Variants in DICER1 observed in about 807,000 individuals in gnomAD.
The protein encoded by DICER1 is dicer 1, ribonuclease III, also known as endoribonuclease Dicer.
In DICER1, 43 loss-of-function variants were observed where a neutral mutation model predicts 194.1. The ratio of observed to expected loss-of-function variants is 0.22; its 90% CI spans 0.17 to 0.29. The LOEUF (loss-of-function observed/expected upper bound fraction) is 0.29. Among genes scored for constraint, DICER1 ranks in the 10% least tolerant of loss-of-function variants. The pLI is 1.00. For synonymous variants in DICER1, 832 were observed against 820.5 expected (o/e 1.01, Z -0.24); for missense variants, 1,608 against 2,317.0 (o/e 0.69, Z 6.28).
intron 17 of DICER1, among the ~76,000 whole-genome samples, chr14:95,106,495 C>T (rs977227912): frequency 1.3e-5 from 2 of 152,070 alleles, no homozygotes; most frequent in African/African-American, 2.4e-5. Flanking sequence ...GGCACCTTTA[C>T]ATATCTATTT....
At chr14:95,150,214 T>G (rs1306643884) in intron 1 of DICER1, among the ~76,000 whole-genome samples, 2 of 152,238 alleles carry the variant, frequency 1.3e-5, no homozygotes, top group Non-Finnish European at 2.9e-5. Context: ...CCGGGCACGG[T>G]GGCTCATGCC....
intron 1 of DICER1, among the ~76,000 whole-genome samples, chr14:95,156,861 G>A (rs867874765): frequency 1.3e-5 from 2 of 152,128 alleles, no homozygotes; most frequent in Non-Finnish European, 2.9e-5. Context: ...CGCTGCTCCC[G>A]CGCCACCTTA....
chr14:95,122,936 G>A lies in DICER1; in HGVS notation c.1376+1260C>T, dbSNP rs150630663. ...TAAGCGCGTGTGCGCGTGCGTGTACGCGCGCGCGCGCGCACACACACACAA... is the reference window on the plus strand; with the variant it reads ...TAAGCGCGTGTGCGCGTGCGTGTACACGCGCGCGCGCGCACACACACACAA... On this transcript the variant is annotated intron_variant, in intron 8 of 26. Transcript: ENST00000343455. 6.9e-3 allele frequency among the ~76,000 whole-genome samples: 894 copies of A among 129,888 alleles called. 7 individuals carry two copies. Among genetic ancestry groups the A allele is most frequent in the African/African-American group, 0.028 (828 of 29,992 alleles). 85.2% of individuals were successfully genotyped at this position (129,888 alleles called of 152,430 possible).
chr14:95,098,272 T>C (rs1323376105), intron 22 of DICER1, among the ~76,000 whole-genome samples: 1 of 152,234 alleles, frequency 6.6e-6, no homozygotes, highest in Non-Finnish European at 1.5e-5. Context: ...TCCTTTTCTA[T>C]ATCATTCAAG....
At chr14:95,145,689 T>A (rs890667583) in intron 1 of DICER1, among the ~76,000 whole-genome samples, 2 of 151,864 alleles carry the variant, frequency 1.3e-5, no homozygotes, top group African/African-American at 4.8e-5. Flanking sequence ...AAAAAAACAA[T>A]AATTTCAAGA....
In DICER1 at chr14:95,093,903, T is replaced by C. The variant is rs2139811134; in HGVS notation, c.5349A>G (p.Gln1783=). ...CAGCACTAACCTCAGAATCCATTCC[T>C]TGCATTTCATTCTTCTCAAGCTGAA... is the stretch of plus-strand genomic sequence containing the variant. ...VQFQLEKNEM[Q]GMDSELRRSE... is the part of the protein sequence containing the mutation. Residue 1783 remains glutamine, a synonymous_variant, in exon 24 of 27, where the codon CAA becomes CAG. Coordinates refer to ENST00000343455, the MANE Select transcript of DICER1 (RefSeq NM_177438.3). The C allele has an allele frequency of 1.2e-6, 2 of 1,614,202 alleles. No individual in the cohort carries two copies. Among genetic ancestry groups the C allele is most frequent in the Non-Finnish European group, 1.7e-6 (2 of 1,180,034 alleles).
intron 8 of DICER1, among the ~76,000 whole-genome samples, chr14:95,119,232 C>T (rs1282942371): frequency 2.0e-5 from 3 of 152,032 alleles, no homozygotes; most frequent in Non-Finnish European, 4.4e-5. Flanking sequence ...TATAAATTAT[C>T]CATCTGGCAG....
Position 95,105,936 on chromosome 14 carries a change from G to A in DICER1, c.2987+105C>T. 1 of 1,436,438 alleles carries A rather than the reference G, an allele frequency of 7.0e-7. No individual in the cohort carries two copies. The highest frequency in any genetic ancestry group is 2.3e-5 in the East Asian group (1 of 44,066). 89.0% of individuals were successfully genotyped at this position (1,436,438 alleles called of 1,614,324 possible). ...GTGTGCAAAGCATCTCCTGATTTCA[G>A]ATAGTCCACGGGTGGGCAGGGGGAC... On this transcript the variant is annotated intron_variant, in intron 18 of 26. Coordinates refer to ENST00000343455, the MANE Select transcript of DICER1 (RefSeq NM_177438.3). This position sits in a 1 kb window ranked among gnomAD's most constrained non-coding sequence, Gnocchi z 4.9.
chr14:95,126,683 T>C lies in DICER1; in HGVS notation c.800A>G (p.Tyr267Cys), dbSNP rs2140233677. 1 of 1,605,686 alleles carries C rather than the reference T, an allele frequency of 6.2e-7. No homozygotes were observed. The highest frequency in any genetic ancestry group is 8.5e-7 in the Non-Finnish European group (1 of 1,172,486). ...CGPFTDRSGL[Y>C]ERLLMELEEA... ...TTCTAATTCCATCAGCAGTCTTTCATAAAGCCCACTTCTGTCAGTAAATGG... is the reference window on the plus strand; with the variant it reads ...TTCTAATTCCATCAGCAGTCTTTCACAAAGCCCACTTCTGTCAGTAAATGG... Residue 267 changes from tyrosine (Y) to cysteine (C), a missense_variant, in exon 7 of 27, where the codon TAT becomes TGT. Physicochemically the swap from Tyr to Cys is radical, Grantham distance 194 (BLOSUM62 -2). Coordinates refer to ENST00000343455, the MANE Select transcript of DICER1 (RefSeq NM_177438.3).
intron 1 of DICER1, among the ~76,000 whole-genome samples, chr14:95,150,895 G>T (rs912629023): frequency 6.6e-6 from 1 of 152,034 alleles, no homozygotes; most frequent in African/African-American, 2.4e-5. Context: ...ACAGAGTCTC[G>T]CTCTGTTGCC....
intron 21 of DICER1, among the ~76,000 whole-genome samples, chr14:95,101,058 G>A (rs1484792041): frequency 6.6e-6 from 1 of 152,172 alleles, no homozygotes; most frequent in Non-Finnish European, 1.5e-5. Context: ...ATTCCAAGTT[G>A]ACAGAAATGG....
At chr14:95,133,539 T>C in intron 1 of DICER1, 36 bp from the exon 2 acceptor site, 3 of 1,451,086 alleles carry the variant, frequency 2.1e-6, no homozygotes, top group South Asian at 1.2e-5. Context: ...TACACAATCA[T>C]GCAGGGTTAA....
intron 1 of DICER1, among the ~76,000 whole-genome samples, chr14:95,153,608 T>C (rs966822030): frequency 1.3e-5 from 2 of 152,236 alleles, no homozygotes; most frequent in African/African-American, 4.8e-5. Context: ...CTTCCTTTCA[T>C]TAATCAACGT....
intron 15 of DICER1, 38 bp downstream of exon 15, chr14:95,108,286 G>A: frequency 4.4e-6 from 7 of 1,573,454 alleles, no homozygotes; most frequent in Non-Finnish European, 5.2e-6. Context: ...TCCTAAGCAA[G>A]ACGTTTTTGA....
chr14:95,093,258 T>G (rs1274408233), intron 24 of DICER1, among the ~76,000 whole-genome samples: 2 of 152,192 alleles, frequency 1.3e-5, no homozygotes, highest in Admixed American at 1.3e-4. Flanking sequence ...GACACAGGTA[T>G]GCAGATGAAT....
intron 1 of DICER1, among the ~76,000 whole-genome samples, chr14:95,136,268 T>C (rs796066145): frequency 6.6e-6 from 1 of 152,252 alleles, no homozygotes; most frequent in Non-Finnish European, 1.5e-5. Context: ...CAAGGACAGG[T>C]GATTCTGGCT....
chr14:95,132,126 C>T (rs1229621361), intron 3 of DICER1, among the ~76,000 whole-genome samples: 2 of 152,070 alleles, frequency 1.3e-5, no homozygotes, highest in Admixed American at 1.3e-4. Flanking sequence ...AATTTCTAAG[C>T]AGCATGTAAC....
At chr14:95,127,735 T>G (rs1239776703) in intron 6 of DICER1, among the ~76,000 whole-genome samples, 1 of 152,274 alleles carries the variant, frequency 6.6e-6, no homozygotes, top group Admixed American at 6.5e-5. Context: ...TGTACTACGC[T>G]TGCCTGTTAG....
At position 95,117,701 on chromosome 14, in the gene DICER1, T is replaced by C. The variant is rs1060503630; in HGVS notation, c.1430A>G (p.Asn477Ser). The change falls in exon 9 of 27, where the codon AAT becomes AGT. Residue 477 changes from asparagine (N) to serine (S), a missense_variant. This residue lies in a region of DICER1 where 657 missense variants were observed against 910.1 expected (regional missense o/e 0.72). Coordinates refer to ENST00000343455, the MANE Select transcript of DICER1 (RefSeq NM_177438.3). ...CCCAATGCCATGTCCAGTTATGAAA[T>C]TGCTACTGATATAAGCCAGCTCTGG... ...QDPELAYISSNFITGHGIGKN... is the reference protein window; with the variant it reads ...QDPELAYISSSFITGHGIGKN... 22 of 1,613,880 alleles carry C rather than the reference T, an allele frequency of 1.4e-5. No homozygotes were observed. The highest frequency in any genetic ancestry group is 1.7e-5 in the Admixed American group (1 of 60,000).
Sources: gnomAD v4.1 joint callset for allele counts (sites outside exome capture counted in the v4.1 genomes callset) on GRCh38, gnomAD v4.1.1 for gene constraint, gnomAD v4.1.1 regional missense constraint, Gnocchi (gnomAD v3.1) non-coding constraint, MANE v1.5 for transcripts, NCBI Gene and HGNC (gene_info 2026-07-23, HGNC 2026-07-21) for gene names.